The following FUT9 variants were observed in gnomAD, a reference collection of about 807,000 sequenced individuals.
FUT9 encodes the protein fucosyltransferase 9.
In FUT9, 15 loss-of-function variants were observed where a neutral mutation model predicts 29.7. The observed-to-expected ratio is 0.51, with a 90% CI of 0.34 to 0.78. The LOEUF is 0.78. Among genes scored for constraint, FUT9 ranks in the 30% least tolerant of loss-of-function variants. The pLI is 0.01. For missense variants in FUT9, 319 were observed against 425.4 expected (o/e 0.75, Z 2.20); for synonymous variants, 169 against 153.7 (o/e 1.10, Z -0.74).
intron 1 of FUT9, among the ~76,000 whole-genome samples, chr6:96,107,236 A>G: frequency 6.6e-6 from 1 of 152,150 alleles, no homozygotes; most frequent in East Asian, 1.9e-4. Context: ...TTATTTTCTA[A>G]CCCCCAGCAT....
At position 96,109,211 on chromosome 6, in the gene FUT9, T is replaced by A. The variant is rs78312746; in HGVS notation, c.-97-4828T>A. 5.4e-4 allele frequency among the ~76,000 whole-genome samples: 82 copies of A among 152,348 alleles called. No homozygotes were observed. In the East Asian group the frequency reaches 0.015, roughly 27 times the overall value. On this transcript the variant is annotated intron_variant, in intron 1 of 2. Coordinates refer to ENST00000302103, the MANE Select transcript of FUT9 (RefSeq NM_006581.4). ...GAATTAAGAAGCTTGCTTCTATTAATGGAATTCAGTTTTCAATATATCTGA... is the reference window on the plus strand; with the variant it reads ...GAATTAAGAAGCTTGCTTCTATTAAAGGAATTCAGTTTTCAATATATCTGA...
intron 1 of FUT9, among the ~76,000 whole-genome samples, chr6:96,076,911 C>T: frequency 6.6e-6 from 1 of 152,196 alleles, no homozygotes; most frequent in South Asian, 2.1e-4. Flanking sequence ...AATAAGGAAA[C>T]TTTGATTATT....
At chr6:96,190,801 C>T (rs1773492875) in intron 2 of FUT9, among the ~76,000 whole-genome samples, 1 of 152,088 alleles carries the variant, frequency 6.6e-6, no homozygotes, top group Non-Finnish European at 1.5e-5. Flanking sequence ...TCTAGTTAGC[C>T]ATTCATTTAA....
At chr6:96,034,842 T>G (rs1770323425) in intron 1 of FUT9, among the ~76,000 whole-genome samples, 2 of 151,740 alleles carry the variant, frequency 1.3e-5, no homozygotes, top group South Asian at 4.2e-4. Flanking sequence ...AGCCATGATT[T>G]CTCTTGTTTT....
intron 2 of FUT9, among the ~76,000 whole-genome samples, chr6:96,158,596 GGACA>G (rs1243806032): frequency 1.3e-5 from 2 of 152,046 alleles, no homozygotes; most frequent in Non-Finnish European, 2.9e-5. Context: ...GTGATTCGAA[GGACA>G]GACACTCATT....
intron 2 of FUT9, among the ~76,000 whole-genome samples, chr6:96,192,805 A>C (rs1205731368): frequency 1.1e-4 from 17 of 152,182 alleles, no homozygotes; most frequent in Non-Finnish European, 1.9e-4. Context: ...TCAAACTATA[A>C]TACAAGGCTA....
intron 2 of FUT9, among the ~76,000 whole-genome samples, chr6:96,179,755 T>TA (rs1462002513): frequency 8.8e-5 from 2 of 22,606 alleles, no homozygotes; most frequent in South Asian, 4.6e-3. Flanking sequence ...AGAGAACACC[T>TA]GAAAAAAAAT....
intron 1 of FUT9, among the ~76,000 whole-genome samples, chr6:96,064,478 G>A (rs1770929131): frequency 6.6e-6 from 1 of 152,128 alleles, no homozygotes; most frequent in South Asian, 2.1e-4. Flanking sequence ...TGAGGGGGCT[G>A]ATGGCGTCAT....
intron 1 of FUT9, among the ~76,000 whole-genome samples, chr6:96,024,394 T>A (rs1184223524): frequency 6.6e-6 from 1 of 151,774 alleles, no homozygotes; most frequent in African/African-American, 2.4e-5. Flanking sequence ...TTCATATGTA[T>A]TATCCCAGTT....
At chr6:96,042,597 TA>T (rs1386446782) in intron 1 of FUT9, among the ~76,000 whole-genome samples, 4 of 152,138 alleles carry the variant, frequency 2.6e-5, no homozygotes, top group African/African-American at 4.8e-5. Flanking sequence ...TAGAGATCAA[TA>T]TTTTACAGCT....
chr6:96,070,073 G>T (rs1327597684), intron 1 of FUT9, among the ~76,000 whole-genome samples: 2 of 152,058 alleles, frequency 1.3e-5, no homozygotes, highest in African/African-American at 4.8e-5. Context: ...ATGAATTACA[G>T]AATATTTAAC....
intron 2 of FUT9, among the ~76,000 whole-genome samples, chr6:96,199,197 C>A (rs1773684447): frequency 6.6e-6 from 1 of 152,082 alleles, no homozygotes; most frequent in South Asian, 2.1e-4. Flanking sequence ...AACACTGCTG[C>A]AGGTGTTTTT....
intron 2 of FUT9, among the ~76,000 whole-genome samples, chr6:96,202,216 T>C (rs1773738142): frequency 6.6e-6 from 1 of 152,052 alleles, no homozygotes; most frequent in Admixed American, 6.6e-5. Flanking sequence ...CACTTTTTTC[T>C]TTAAAAAAAA....
chr6:96,102,357 T>A (rs1771602816), intron 1 of FUT9, among the ~76,000 whole-genome samples: 1 of 152,134 alleles, frequency 6.6e-6, no homozygotes, highest in Non-Finnish European at 1.5e-5. Flanking sequence ...GATTATTAGG[T>A]CATTGCCATT....
At chr6:96,158,503 G>A (rs1772833522) in intron 2 of FUT9, among the ~76,000 whole-genome samples, 1 of 152,008 alleles carries the variant, frequency 6.6e-6, no homozygotes, top group Non-Finnish European at 1.5e-5. Flanking sequence ...TTTGACAAGG[G>A]GAGTTATTAA....
intron 1 of FUT9, among the ~76,000 whole-genome samples, chr6:96,093,112 T>C (rs1428009626): frequency 7.2e-5 from 11 of 152,234 alleles, no homozygotes; most frequent in Admixed American, 2.6e-4. Flanking sequence ...TTATTTCTCA[T>C]TGACTTATGA....
At chr6:96,029,531 A>G (rs1194830138) in intron 1 of FUT9, among the ~76,000 whole-genome samples, 1 of 151,686 alleles carries the variant, frequency 6.6e-6, no homozygotes, top group Admixed American at 6.6e-5. Flanking sequence ...TCAACTCTTG[A>G]CTAGAGTAAC....
chr6:96,103,572 T>C (rs1310268038), intron 1 of FUT9, among the ~76,000 whole-genome samples: 1 of 151,960 alleles, frequency 6.6e-6, no homozygotes, highest in African/African-American at 2.4e-5. Flanking sequence ...AAGAATCATT[T>C]CTTGCTCCCT....
chr6:96,201,097 G>A (rs1754642218), intron 2 of FUT9, among the ~76,000 whole-genome samples: 1 of 151,678 alleles, frequency 6.6e-6, no homozygotes, highest in South Asian at 2.1e-4. Context: ...AAGGTGGATG[G>A]TATTCCTAAT....
Sources: allele counts gnomAD v4.1 joint callset (sites outside exome capture counted in the v4.1 genomes callset), GRCh38; gene constraint gnomAD v4.1.1; transcripts MANE v1.5; gene names NCBI Gene and HGNC (gene_info 2026-07-23, HGNC 2026-07-21).